Variants in KHDC4 observed in about 807,000 individuals in gnomAD.
KHDC4 encodes the protein KH homology domain-containing protein 4.
A neutral mutation model predicts 74.5 loss-of-function variants in KHDC4; 19 were observed. The observed-to-expected ratio is 0.26, with a 90% CI of 0.18 to 0.37. KHDC4 has a LOEUF of 0.37. Ranked by LOEUF, KHDC4 falls within the 10% of genes least tolerant of loss-of-function variation. KHDC4 has a pLI of 1.00. For synonymous variants in KHDC4, 253 were observed against 266.1 expected, an observed-to-expected ratio of 0.95 and a Z score of 0.48; for missense variants, 632 against 754.1, an observed-to-expected ratio of 0.84 and a Z score of 1.90.
At chr1:155,926,325 CTTTT>C (rs34342755) in intron 6 of KHDC4, 152 of 175,252 alleles carry the variant, frequency 8.7e-4, no homozygotes, top group East Asian at 1.9e-3. Context: ...TTACTTGGCA[CTTTT>C]TTTTTTTTTT....
rs757812201 is a variant in KHDC4, at chr1:155,914,106, C to G, written c.*15G>C. Reference sequence around the variant, plus strand: ...AGAAGAGTCACTGAGGGTCAAAACTCTGTTCCACTGTTTCCTAGGGAGCCA... The same window carrying G: ...AGAAGAGTCACTGAGGGTCAAAACTGTGTTCCACTGTTTCCTAGGGAGCCA... On this transcript the variant is annotated 3_prime_UTR_variant, in exon 14 of 14. Transcript: ENST00000368321. The G allele has an allele frequency of 2.0e-5, 32 of 1,607,442 alleles. 2 individuals carry two copies. In the South Asian group the frequency reaches 3.5e-4, roughly 18 times the overall value.
At chr1:155,919,798 G>A (rs1180982083) in intron 10 of KHDC4, 1 of 162,936 alleles carries the variant, frequency 6.1e-6, no homozygotes, top group South Asian at 1.8e-4. Context: ...GTGACAGAAT[G>A]AGATTCTGTC....
At chr1:155,928,178 A>G (rs1353847045) in intron 4 of KHDC4, among the ~76,000 whole-genome samples, 1 of 152,074 alleles carries the variant, frequency 6.6e-6, no homozygotes, top group Admixed American at 6.5e-5. Context: ...TTTTGAGACC[A>G]GCCTGTCCAA....
intron 10 of KHDC4, among the ~76,000 whole-genome samples, chr1:155,920,729 T>G (rs1240980726): frequency 1.3e-5 from 2 of 152,126 alleles, no homozygotes; most frequent in African/African-American, 4.8e-5. Context: ...AGATGGAGTC[T>G]CACTATGTTG....
Position 155,914,237 on chromosome 1 carries a change from C to T in KHDC4, c.1729G>A (p.Glu577Lys). The T allele has an allele frequency of 6.2e-7, 1 of 1,614,038 alleles. No homozygotes were observed. Among genetic ancestry groups the T allele is most frequent in the Non-Finnish European group, 8.5e-7 (1 of 1,179,942 alleles). The change falls in exon 14 of 14, where the codon GAA (glutamate) becomes AAA (lysine). Residue 577 changes from glutamate to lysine, a missense_variant. Coordinates refer to ENST00000368321, the MANE Select transcript of KHDC4 (RefSeq NM_014949.4). ...YAADSSDEEE[E>K]HGGHKNASSF... ...CTTGCATTTTTATGACCTCCATGTTCCTCCTCTTCATCAGATGAATCTGCA... is the reference window on the plus strand; with the variant it reads ...CTTGCATTTTTATGACCTCCATGTTTCTCCTCTTCATCAGATGAATCTGCA...
At chr1:155,921,712 G>C (rs1673867739) in intron 9 of KHDC4, 84 bp from the exon 10 acceptor site, 1 of 1,517,106 alleles carries the variant, frequency 6.6e-7, no homozygotes, top group South Asian at 1.3e-5. Flanking sequence ...ATCTAGGGAA[G>C]AAAAATACTG....
chr1:155,927,189 T>C (rs376524426), intron 4 of KHDC4, 33 bp from the exon 5 acceptor site: 19 of 1,599,114 alleles, frequency 1.2e-5, no homozygotes, highest in African/African-American at 5.4e-5. Context: ...ATGATCTCAA[T>C]GTGGTCAAAA....
At chr1:155,914,653 TAAGAA>T (rs1453977067) in intron 13 of KHDC4, 5 of 230,366 alleles carry the variant, frequency 2.2e-5, no homozygotes, top group Non-Finnish European at 3.4e-5. Flanking sequence ...GAAAAGAAGT[TAAGAA>T]AAGAAAAAAA....
chr1:155,926,897 GC>G, intron 5 of KHDC4, 58 bp from the exon 6 acceptor site: 1 of 1,580,812 alleles, frequency 6.3e-7, no homozygotes, highest in Non-Finnish European at 8.7e-7. Context: ...GCCCAGGCAG[GC>G]CAGTGTTCAA....
intron 10 of KHDC4, chr1:155,921,130 C>T (rs546316047): frequency 4.0e-6 from 2 of 502,646 alleles, no homozygotes; most frequent in South Asian, 2.5e-5. Context: ...AGCAAGTGTG[C>T]CCACCATCCC....
chr1:155,927,874 A>ACACACACACACACACACAC (rs1557970777), intron 4 of KHDC4, among the ~76,000 whole-genome samples: 1 of 68,076 alleles, frequency 1.5e-5, no homozygotes, highest in African/African-American at 5.3e-5. Context: ...ACACACACAC[A>ACACACACACACACACACAC]AAATTAATGG....
Position 155,929,853 on chromosome 1 carries a change from G to C in KHDC4, c.256-13C>G. 1 of 1,544,450 alleles carries C rather than the reference G, an allele frequency of 6.5e-7. No homozygotes were observed. On this transcript the variant is annotated splice_polypyrimidine_tract_variant and intron_variant, in intron 2 of 13. Transcript: ENST00000368321. ...CAGGAGCCTGAAGCTAGAAAAAAGAGAAATTAGATTAAAAAGTTTTTATGA... is the reference window on the plus strand; with the variant it reads ...CAGGAGCCTGAAGCTAGAAAAAAGACAAATTAGATTAAAAAGTTTTTATGA...
At chr1:155,922,042 C>A in intron 8 of KHDC4, 124 bp from the exon 9 acceptor site, 21 of 537,686 alleles carry the variant, frequency 3.9e-5, no homozygotes, top group East Asian at 1.1e-4. Context: ...ATGTTCCAAT[C>A]AAATTTAAAC....
At chr1:155,920,142 T>C (rs986846317) in intron 10 of KHDC4, 1 of 301,600 alleles carries the variant, frequency 3.3e-6, no homozygotes, top group Non-Finnish European at 7.0e-6. Context: ...TCTACTTTCA[T>C]GATTTAAGAA....
intron 10 of KHDC4, among the ~76,000 whole-genome samples, chr1:155,920,457 T>C (rs540066721): frequency 6.6e-6 from 1 of 152,212 alleles, no homozygotes; most frequent in South Asian, 2.1e-4. Flanking sequence ...TTTTTTTAAG[T>C]ATACATTTCT....
At chr1:155,917,842 T>C (rs1439429865) in intron 10 of KHDC4, among the ~76,000 whole-genome samples, 170 bp from the exon 11 acceptor site, 2 of 152,204 alleles carry the variant, frequency 1.3e-5, no homozygotes, top group Non-Finnish European at 2.9e-5. Context: ...CTAAGCCTTC[T>C]CACCTTCATC....
In KHDC4 at chr1:155,921,485, G is replaced by A. The variant is rs1673861694; in HGVS notation, c.1156C>T (p.Pro386Ser). 1 of 1,614,134 alleles carries A rather than the reference G, an allele frequency of 6.2e-7. No homozygotes were observed. Among genetic ancestry groups the A allele is most frequent in the Non-Finnish European group, 8.5e-7 (1 of 1,180,016 alleles). ...PPYGVPSIVP[P>S]AVSLAPGVLP... ...ACTCCAGGTGCTAATGAAACAGCTG[G>A]TGGCACTATGCTTGGTACTCCGTAG... Residue 386 changes from proline (P) to serine (S), a missense_variant, in exon 10 of 14, where the codon CCA becomes TCA. Around this residue, in one of 4 missense-constraint regions of KHDC4, gnomAD observed 254 missense variants for 267.4 expected, o/e 0.95. Coordinates refer to ENST00000368321, the MANE Select transcript of KHDC4 (RefSeq NM_014949.4).
intron 8 of KHDC4, 73 bp from the exon 9 acceptor site, chr1:155,921,991 T>A: frequency 1.1e-6 from 1 of 887,506 alleles, no homozygotes; most frequent in Non-Finnish European, 1.8e-6. Context: ...GATTACATAA[T>A]TCTAGGACCA....
chr1:155,929,488 C>G (rs576170830), intron 3 of KHDC4, 113 bp from the exon 4 acceptor site: 1 of 1,037,118 alleles, frequency 9.6e-7, no homozygotes, highest in East Asian at 2.4e-5. Context: ...AGAATTCTCT[C>G]CTGTATCTGA....
Sources: allele counts gnomAD v4.1 joint callset (sites outside exome capture counted in the v4.1 genomes callset), GRCh38; gene constraint gnomAD v4.1.1; regional missense constraint gnomAD v4.1.1; transcripts MANE v1.5; gene names NCBI Gene and HGNC (gene_info 2026-07-23, HGNC 2026-07-21).